The following PROSER2 variants were observed in gnomAD, a reference collection of about 807,000 sequenced individuals.
PROSER2 encodes the protein proline and serine-rich protein 2.
PROSER2 carries 18 observed loss-of-function variants against 14.6 expected under a neutral mutation model. That is an observed-to-expected ratio of 1.23 (90% CI 0.85 to 1.83). The LOEUF (loss-of-function observed/expected upper bound fraction) is 1.83. PROSER2 is among the 40% of genes most tolerant of loss of function. PROSER2 has a pLI of 0.00. For missense variants in PROSER2, 823 were observed against 629.8 expected (o/e 1.31, Z -3.28); for synonymous variants, 367 against 286.4 (o/e 1.28, Z -2.84).
intron 3 of PROSER2, among the ~76,000 whole-genome samples, chr10:11,867,216 G>T (rs1445297358): frequency 7.4e-6 from 1 of 135,708 alleles, no homozygotes; most frequent in African/African-American, 2.7e-5. Context: ...AGTGAGCCGA[G>T]ATTGTGCCAG....
chr10:11,864,295 C>G (rs1834301313), intron 2 of PROSER2, among the ~76,000 whole-genome samples: 1 of 152,124 alleles, frequency 6.6e-6, no homozygotes, highest in African/African-American at 2.4e-5. Context: ...GATTCCTGAT[C>G]TTTTGTTTGT....
At position 11,869,931 on chromosome 10, in the gene PROSER2, T is replaced by G; in HGVS notation, c.833T>G (p.Val278Gly). Residue 278 changes from valine to glycine, a missense_variant, in exon 4 of 4, where the codon GTG (valine) becomes GGG (glycine). Transcript: ENST00000277570. The surrounding 1 kb of genome is among the most constrained non-coding windows in gnomAD (Gnocchi z 4.4). ...ACCCTGTCCAGGGCGGCCGTCAGCG[T>G]GCAGGAGCGCAGGGCGCAGGTGTTG... ...RRTLSRAAVSVQERRAQVLAT... is the reference protein window; with the variant it reads ...RRTLSRAAVSGQERRAQVLAT... The G allele has an allele frequency of 6.5e-7, 1 of 1,549,366 alleles. No homozygotes were observed. Among genetic ancestry groups the G allele is most frequent in the Non-Finnish European group, 8.7e-7 (1 of 1,152,012 alleles).
rs556419457 is a variant in PROSER2 at position 11,867,703 on chromosome 10, G to A, written c.391+920G>A. On this transcript the variant is annotated intron_variant, in intron 3 of 3. Transcript: ENST00000277570. The stretch of plus-strand genomic sequence containing the variant: ...GTAATGCGAGCCATGGGTAGAGGCT[G>A]TAGATACAAATGAAGCTTCACTCGC... 2.0e-5 allele frequency among the ~76,000 whole-genome samples: 3 copies of A among 152,372 alleles called. No individual in the cohort carries two copies. The South Asian group carries it at 6.2e-4, about 32-fold the overall frequency.
intron 1 of PROSER2, among the ~76,000 whole-genome samples, chr10:11,841,832 ATG>A (rs1833849300): frequency 6.6e-6 from 1 of 152,198 alleles, no homozygotes; most frequent in Admixed American, 6.5e-5. Context: ...GTCTGAAAGA[ATG>A]TGTATTGTGA....
intron 2 of PROSER2, among the ~76,000 whole-genome samples, chr10:11,859,769 A>G (rs113087798): frequency 5.9e-5 from 9 of 152,322 alleles, no homozygotes; most frequent in African/African-American, 2.2e-4. Flanking sequence ...CAGTTCACCC[A>G]TGTAAAGTAT....
chr10:11,867,264 CAA>C (rs10560433), intron 3 of PROSER2, among the ~76,000 whole-genome samples: 2,341 of 51,534 alleles, frequency 0.045, 36 homozygotes, highest in African/African-American at 0.15. Flanking sequence ...GACTCCGTCT[CAA>C]AAAAAAAAAA....
chr10:11,861,884 G>A (rs1308216300), intron 2 of PROSER2, among the ~76,000 whole-genome samples: 2 of 152,158 alleles, frequency 1.3e-5, no homozygotes, highest in Non-Finnish European at 2.9e-5. Context: ...AAATACCTAG[G>A]AAGACATAGG....
chr10:11,870,410 C>T lies in PROSER2; in HGVS notation c.*4C>T. On this transcript the variant is annotated 3_prime_UTR_variant, in exon 4 of 4. Coordinates refer to ENST00000277570, the MANE Select transcript of PROSER2 (RefSeq NM_153256.4). ...GCTGCTCAGGGAGAGTTCGTGAGGG[C>T]CGCGCGGGCTCCAGTCCACCCCGTT... The T allele has an allele frequency of 3.4e-6, 5 of 1,484,218 alleles. No individual in the cohort carries two copies. Among genetic ancestry groups the T allele is most frequent in the East Asian group, 5.7e-5 (2 of 35,236 alleles). 91.9% of individuals were successfully genotyped at this position (1,484,218 alleles called of 1,614,324 possible).
chr10:11,838,709 TGTA>T lies in PROSER2; in HGVS notation c.-81-13282_-81-13280del, dbSNP rs1786704420. ...TGCCACTCCAGTAGGTATTAAATAA[TGTA>T]GTAGTTTTAGCTTGCACTTTTTTTG... On this transcript the variant is annotated intron_variant, in intron 1 of 3. Coordinates refer to ENST00000277570, the MANE Select transcript of PROSER2 (RefSeq NM_153256.4). The surrounding 1 kb of genome is among the most constrained non-coding windows in gnomAD (Gnocchi z 4.4). 6.6e-6 allele frequency among the ~76,000 whole-genome samples: 1 copy of T among 152,246 alleles called. No homozygotes were observed. Among genetic ancestry groups the T allele is most frequent in the South Asian group, 2.1e-4 (1 of 4,836 alleles).
Position 11,837,531 on chromosome 10 carries a change from C to A in PROSER2, c.-82+14061C>A, listed in dbSNP as rs577466107. Reference sequence around the variant, plus strand: ...TAGGTACATGGGGTTGTCTTCAGACCCAGCCTGGACCTGTTTTTGTGAAGT... The same window carrying A: ...TAGGTACATGGGGTTGTCTTCAGACACAGCCTGGACCTGTTTTTGTGAAGT... On this transcript the variant is annotated intron_variant, in intron 1 of 3. Coordinates refer to ENST00000277570, the MANE Select transcript of PROSER2 (RefSeq NM_153256.4). The surrounding 1 kb of genome is among the most constrained non-coding windows in gnomAD (Gnocchi z 4.6). Among the ~76,000 whole-genome samples, 1 of 152,264 alleles carries A rather than the reference C, an allele frequency of 6.6e-6. No individual in the cohort carries two copies. Among genetic ancestry groups the A allele is most frequent in the South Asian group, 2.1e-4 (1 of 4,818 alleles).
In PROSER2 at chr10:11,871,116, T is replaced by TTAGA. The variant is rs1397026070; in HGVS notation, c.*713_*716dup. ...AGCCTGTGTTTGTGTGTGTATGTTTTTAGATACGTACGTGTCAACACATAC... is the reference window on the plus strand; with the variant it reads ...AGCCTGTGTTTGTGTGTGTATGTTTTTAGATAGATACGTACGTGTCAACACATAC... On this transcript the variant is annotated 3_prime_UTR_variant, in exon 4 of 4. Transcript: ENST00000277570. 6.6e-6 allele frequency: 1 copy of TTAGA among 152,208 alleles called. No individual in the cohort carries two copies. The highest frequency in any genetic ancestry group is 1.5e-5 in the Non-Finnish European group (1 of 68,030). 9.4% of individuals were successfully genotyped at this position (152,208 alleles called of 1,614,324 possible).
intron 1 of PROSER2, among the ~76,000 whole-genome samples, chr10:11,841,771 A>G (rs1159537578): frequency 6.6e-6 from 1 of 152,214 alleles, no homozygotes; most frequent in Non-Finnish European, 1.5e-5. Flanking sequence ...AAATTTGCTG[A>G]GACTTGCTTT....
intron 2 of PROSER2, among the ~76,000 whole-genome samples, chr10:11,863,977 T>C (rs966553117): frequency 1.3e-5 from 2 of 152,174 alleles, no homozygotes; most frequent in African/African-American, 4.8e-5. Flanking sequence ...CTCGTTATTC[T>C]GGGATTCCCT....
At chr10:11,841,998 G>T (rs1478249333) in intron 1 of PROSER2, among the ~76,000 whole-genome samples, 1 of 152,126 alleles carries the variant, frequency 6.6e-6, no homozygotes, top group African/African-American at 2.4e-5. Flanking sequence ...CGAGGCAGGC[G>T]GATTGCCTGA....
intron 2 of PROSER2, among the ~76,000 whole-genome samples, chr10:11,859,033 G>GA (rs1240356802): frequency 6.8e-5 from 1 of 14,726 alleles, no homozygotes; most frequent in South Asian, 2.8e-3. Flanking sequence ...AAAAAAAAAA[G>GA]GAGAGATGGT....
rs775631695 is a variant in PROSER2 at position 11,866,569 on chromosome 10, G to T, written c.177G>T (p.Lys59Asn). ...ESLKYLTHEE[K>N]DVLLFFEETI... ...TGAAGTACCTCACCCATGAGGAAAA[G>T]GATGTGCTCCTGTTTTTTGAAGAGA... Residue 59 changes from lysine (K) to asparagine (N), a missense_variant, in exon 3 of 4, where the codon AAG becomes AAT. Transcript: ENST00000277570. The surrounding 1 kb of genome is among the most constrained non-coding windows in gnomAD (Gnocchi z 6.0). The T allele has an allele frequency of 6.2e-7, 1 of 1,614,218 alleles. No individual in the cohort carries two copies. The highest frequency in any genetic ancestry group is 8.5e-7 in the Non-Finnish European group (1 of 1,180,038).
At chr10:11,840,574 A>AT (rs1444020118) in intron 1 of PROSER2, among the ~76,000 whole-genome samples, 6 of 152,040 alleles carry the variant, frequency 3.9e-5, no homozygotes, top group South Asian at 2.1e-4. Context: ...CTGGCTTGTC[A>AT]TTTTTCCTTT....
At chr10:11,832,095 C>T (rs1833696608) in intron 1 of PROSER2, among the ~76,000 whole-genome samples, 1 of 152,118 alleles carries the variant, frequency 6.6e-6, no homozygotes, top group Non-Finnish European at 1.5e-5. Flanking sequence ...GTTTAAGGTT[C>T]TAAGTTCTTA....
intron 1 of PROSER2, among the ~76,000 whole-genome samples, chr10:11,824,565 A>G (rs1466954905): frequency 1.3e-5 from 2 of 152,202 alleles, no homozygotes; most frequent in African/African-American, 2.4e-5. Context: ...TCATGAAGCC[A>G]ATGTGGAAAT....
Sources: allele counts gnomAD v4.1 joint callset (sites outside exome capture counted in the v4.1 genomes callset), GRCh38; gene constraint gnomAD v4.1.1; non-coding constraint Gnocchi (gnomAD v3.1); transcripts MANE v1.5; gene names NCBI Gene and HGNC (gene_info 2026-07-23, HGNC 2026-07-21).